The following PARD3 variants were observed in gnomAD, a reference collection of about 807,000 sequenced individuals.
PARD3 encodes the protein par-3 family cell polarity regulator.
A neutral mutation model predicts 155.4 loss-of-function variants in PARD3; 75 were observed. The observed-to-expected ratio is 0.48, with a 90% CI of 0.40 to 0.58. PARD3 has a LOEUF of 0.58. Among genes scored for constraint, PARD3 ranks in the 20% least tolerant of loss-of-function variants. The pLI is 0.00. For missense variants in PARD3, 1,642 were observed against 1,721.7 expected, an observed-to-expected ratio of 0.95 and a Z score of 0.82; for synonymous variants, 576 against 610.5, an observed-to-expected ratio of 0.94 and a Z score of 0.83.
At chr10:34,354,834 G>C (rs1838611203) in intron 14 of PARD3, among the ~76,000 whole-genome samples, 1 of 152,126 alleles carries the variant, frequency 6.6e-6, no homozygotes, top group Non-Finnish European at 1.5e-5. Flanking sequence ...CTGGAGACAT[G>C]GAAAGCCTCT....
intron 1 of PARD3, among the ~76,000 whole-genome samples, chr10:34,742,806 G>A (rs750679979): frequency 3.1e-4 from 47 of 152,168 alleles, no homozygotes; most frequent in Non-Finnish European, 6.6e-4. Flanking sequence ...AGACAATGCA[G>A]GCAGCCTTCT....
At chr10:34,411,162 A>C (rs966411506) in intron 5 of PARD3, among the ~76,000 whole-genome samples, 2 of 152,098 alleles carry the variant, frequency 1.3e-5, no homozygotes, top group African/African-American at 4.8e-5. Context: ...ATGGGGGAGG[A>C]GGGAGATAGG....
intron 20 of PARD3, among the ~76,000 whole-genome samples, chr10:34,296,828 A>G (rs1437548751): frequency 6.6e-6 from 1 of 152,200 alleles, no homozygotes; most frequent in Non-Finnish European, 1.5e-5. Context: ...CAAAGTAATC[A>G]CAAGAGAGTT....
intron 1 of PARD3, among the ~76,000 whole-genome samples, chr10:34,810,820 T>C (rs780622449): frequency 6.6e-6 from 1 of 152,188 alleles, no homozygotes; most frequent in African/African-American, 2.4e-5. Flanking sequence ...TCCTGTTTAA[T>C]ACTTACATTA....
rs562818143 is a variant in PARD3, at chr10:34,116,475, G to T, written c.3668+3138C>A. Reference sequence around the variant, plus strand: ...AACTTGGACTTGACTCAAGCTCACGGAGGTGGTTGCAGTCCCCCCTGACCT... The same window carrying T: ...AACTTGGACTTGACTCAAGCTCACGTAGGTGGTTGCAGTCCCCCCTGACCT... On this transcript the variant is annotated intron_variant, in intron 24 of 24. Coordinates refer to ENST00000374788, the MANE Select transcript of PARD3 (RefSeq NM_001184785.2). Among the ~76,000 whole-genome samples the T allele has an allele frequency of 1.5e-3, 233 of 152,286 alleles. 1 individual carries two copies. Among genetic ancestry groups the T allele is most frequent in the African/African-American group, 5.3e-3 (222 of 41,562 alleles).
chr10:34,348,068 T>C lies in PARD3; in HGVS notation c.2115A>G (p.Thr705=). The C allele has an allele frequency of 1.9e-6, 3 of 1,612,716 alleles. No homozygotes were observed. Among genetic ancestry groups the C allele is most frequent in the Non-Finnish European group, 2.5e-6 (3 of 1,179,400 alleles). ...TTCTTCGTTCTCTATCATCCAACGC[T>C]GTTTCAATGGGCAGCTCAGGTCCAG... ...SPPGPELPIE[T]ALDDRERRIS... The change falls in exon 15 of 25, where the codon ACA becomes ACG. Residue 705 remains threonine, a synonymous_variant. Coordinates refer to ENST00000374788, the MANE Select transcript of PARD3 (RefSeq NM_001184785.2).
intron 1 of PARD3, among the ~76,000 whole-genome samples, 183 bp downstream of exon 1, chr10:34,814,693 G>C (rs1427770284): frequency 2.6e-5 from 4 of 151,840 alleles, no homozygotes; most frequent in Non-Finnish European, 5.9e-5. Flanking sequence ...GCTGCGCCCC[G>C]GCCCGCGCAG....
chr10:34,794,113 T>G, intron 1 of PARD3, among the ~76,000 whole-genome samples: 3 of 147,622 alleles, frequency 2.0e-5, no homozygotes, highest in African/African-American at 2.5e-5. Context: ...CAGCGGGGGG[T>G]GGGGGTTGGG....
intron 1 of PARD3, among the ~76,000 whole-genome samples, chr10:34,701,938 G>A (rs1338209057): frequency 2.6e-5 from 4 of 152,106 alleles, no homozygotes; most frequent in Non-Finnish European, 5.9e-5. Context: ...CAAGGTGGGT[G>A]GATCACTTGA....
chr10:34,616,090 G>A lies in PARD3; in HGVS notation c.222+80228C>T, dbSNP rs138988719. ...TTCTAGCACTTTAGGAGGCAGAGGC[G>A]GGTGGATCACCTGAGGCCAGGAGTT... On this transcript the variant is annotated intron_variant, in intron 2 of 24. Transcript: ENST00000374788. 1.1e-4 allele frequency among the ~76,000 whole-genome samples: 16 copies of A among 152,192 alleles called. 1 individual carries two copies. The highest frequency in any genetic ancestry group is 3.4e-4 in the African/African-American group (14 of 41,546).
At chr10:34,624,767 G>C (rs1440729327) in intron 2 of PARD3, among the ~76,000 whole-genome samples, 2 of 152,240 alleles carry the variant, frequency 1.3e-5, no homozygotes, top group Admixed American at 6.5e-5. Flanking sequence ...AGCCCGCTCT[G>C]ATGTCAACCA....
chr10:34,609,472 C>G (rs2090720045), intron 2 of PARD3, among the ~76,000 whole-genome samples: 1 of 152,106 alleles, frequency 6.6e-6, no homozygotes, highest in Non-Finnish European at 1.5e-5. Context: ...AGAAGTATAC[C>G]ACACTCCTGA....
chr10:34,690,971 G>A (rs969531496), intron 2 of PARD3, among the ~76,000 whole-genome samples: 5 of 152,178 alleles, frequency 3.3e-5, no homozygotes, highest in African/African-American at 1.2e-4. Flanking sequence ...CCAGCACTTT[G>A]GGAGGTCGAG....
intron 20 of PARD3, among the ~76,000 whole-genome samples, chr10:34,286,610 C>A (rs960284863): frequency 1.2e-4 from 18 of 152,124 alleles, no homozygotes; most frequent in Non-Finnish European, 2.6e-4. Flanking sequence ...CTTGCCTATT[C>A]CAGTGATAGG....
At chr10:34,523,688 T>C (rs140294668) in intron 2 of PARD3, among the ~76,000 whole-genome samples, 114 of 152,194 alleles carry the variant, frequency 7.5e-4, no homozygotes, top group African/African-American at 2.6e-3. Flanking sequence ...CAGAAGAGAA[T>C]AGAAAGAAAA....
At chr10:34,312,249 C>T in intron 20 of PARD3, 1 of 1,581,116 alleles carries the variant, frequency 6.3e-7, no homozygotes, top group Non-Finnish European at 8.6e-7. Flanking sequence ...AATTCGTCAA[C>T]AGCCACTAAG....
chr10:34,377,024 G>C (rs1180246541), intron 10 of PARD3, among the ~76,000 whole-genome samples: 1 of 151,976 alleles, frequency 6.6e-6, no homozygotes, highest in African/African-American at 2.4e-5. Flanking sequence ...AAATACCAAT[G>C]AACCCAAACT....
intron 6 of PARD3, among the ~76,000 whole-genome samples, chr10:34,399,906 CT>C (rs1325892995): frequency 6.6e-6 from 1 of 152,160 alleles, no homozygotes; most frequent in Non-Finnish European, 1.5e-5. Context: ...ACAAAGTGCT[CT>C]TTTATATGTC....
chr10:34,182,090 C>T (rs907926244), intron 22 of PARD3, among the ~76,000 whole-genome samples: 2 of 152,200 alleles, frequency 1.3e-5, no homozygotes, highest in African/African-American at 4.8e-5. Flanking sequence ...CTTAACACTA[C>T]CGCACAGCAA....
Sources: gnomAD v4.1 joint callset for allele counts (sites outside exome capture counted in the v4.1 genomes callset) on GRCh38, gnomAD v4.1.1 for gene constraint, MANE v1.5 for transcripts, NCBI Gene and HGNC (gene_info 2026-07-23, HGNC 2026-07-21) for gene names.